C10orf67: variants seen among roughly 807,000 people sequenced by gnomAD.
C10orf67 encodes the protein chromosome 10 open reading frame 67.
C10orf67 carries 60 observed loss-of-function variants against 35.6 expected under a neutral mutation model. That is an observed-to-expected ratio of 1.68 (90% CI 1.37 to 2.09). C10orf67 has a LOEUF of 2.09. Among genes scored for constraint, C10orf67 ranks in the 30% most tolerant of loss-of-function variants. The pLI, the probability that C10orf67 is intolerant of heterozygous loss-of-function variation, is 0.00. For synonymous variants in C10orf67, 167 were observed against 115.8 expected (o/e 1.44, Z -2.84); for missense variants, 474 against 330.2 (o/e 1.44, Z -3.38).
At chr10:23,314,599 G>T (rs2132316539) in intron 4 of C10orf67, among the ~76,000 whole-genome samples, 1 of 152,022 alleles carries the variant, frequency 6.6e-6, no homozygotes, top group Admixed American at 6.6e-5. Context: ...TCCCAAGGCT[G>T]CAATTAAGGT....
chr10:23,301,080 C>A (rs1385163222), intron 5 of C10orf67, among the ~76,000 whole-genome samples: 1 of 152,210 alleles, frequency 6.6e-6, no homozygotes, highest in Non-Finnish European at 1.5e-5. Context: ...TACATGCACT[C>A]TAGCTGGGCC....
At chr10:23,294,580 G>A (rs1313914555) in intron 5 of C10orf67, among the ~76,000 whole-genome samples, 4 of 152,068 alleles carry the variant, frequency 2.6e-5, no homozygotes, top group Non-Finnish European at 5.9e-5. Context: ...AGTTGCTCTT[G>A]GGAAAATTCG....
intron 5 of C10orf67, among the ~76,000 whole-genome samples, chr10:23,301,028 T>C (rs1214203209): frequency 6.6e-6 from 1 of 152,234 alleles, no homozygotes; most frequent in African/African-American, 2.4e-5. Flanking sequence ...AGAATTTACC[T>C]AGGTCTATTT....
chr10:23,332,153 T>C (rs1588707621), intron 2 of C10orf67, among the ~76,000 whole-genome samples: 1 of 152,204 alleles, frequency 6.6e-6, no homozygotes. Context: ...ATGACCAAAA[T>C]GTCCATCAAT....
intron 8 of C10orf67, among the ~76,000 whole-genome samples, chr10:23,281,340 C>G (rs770283337): frequency 3.3e-5 from 5 of 152,150 alleles, no homozygotes; most frequent in Non-Finnish European, 7.3e-5. Context: ...CTATGAGCAA[C>G]CTTTTCTCTT....
intron 8 of C10orf67, among the ~76,000 whole-genome samples, chr10:23,268,100 C>T (rs1442749371): frequency 6.6e-6 from 1 of 152,038 alleles, no homozygotes; most frequent in African/African-American, 2.4e-5. Flanking sequence ...CCAGCCTGAG[C>T]AACATAGCAA....
intron 15 of C10orf67, among the ~76,000 whole-genome samples, chr10:23,211,815 G>T (rs935442439): frequency 6.6e-6 from 1 of 152,194 alleles, no homozygotes; most frequent in Non-Finnish European, 1.5e-5. Context: ...CAATGGTATA[G>T]TGAGTTCATG....
At chr10:23,250,315 G>A in intron 12 of C10orf67, 140 bp downstream of exon 12, 1 of 391,526 alleles carries the variant, frequency 2.6e-6, no homozygotes, top group Non-Finnish European at 4.5e-6. Flanking sequence ...TTCTATTTTA[G>A]ACCAATTATT....
intron 15 of C10orf67, among the ~76,000 whole-genome samples, chr10:23,208,826 C>A (rs1348856792): frequency 6.6e-6 from 1 of 152,120 alleles, no homozygotes; most frequent in South Asian, 2.1e-4. Context: ...GAGACTTGAA[C>A]AATCCTTGTG....
intron 2 of C10orf67, among the ~76,000 whole-genome samples, chr10:23,323,818 C>A (rs985514771): frequency 2.8e-5 from 4 of 142,970 alleles, no homozygotes; most frequent in Admixed American, 2.1e-4. Flanking sequence ...AGCTTGAACC[C>A]GGGAGATGGA....
At chr10:23,299,939 C>T (rs1296198670) in intron 5 of C10orf67, among the ~76,000 whole-genome samples, 2 of 150,864 alleles carry the variant, frequency 1.3e-5, no homozygotes, top group Non-Finnish European at 2.9e-5. Flanking sequence ...GATCGCGCCA[C>T]TGCACTCCAG....
intron 2 of C10orf67, among the ~76,000 whole-genome samples, chr10:23,324,800 T>G (rs1176487921): frequency 6.6e-6 from 1 of 152,242 alleles, no homozygotes; most frequent in Non-Finnish European, 1.5e-5. Flanking sequence ...GAGAGACATT[T>G]GTCTAATGTG....
chr10:23,214,291 T>A (rs549068357), intron 15 of C10orf67, among the ~76,000 whole-genome samples: 1 of 152,070 alleles, frequency 6.6e-6, no homozygotes, highest in Admixed American at 6.6e-5. Context: ...GAATAAAGAA[T>A]GTCTGAACTA....
intron 12 of C10orf67, among the ~76,000 whole-genome samples, chr10:23,243,771 T>C (rs1028609873): frequency 6.6e-6 from 1 of 151,674 alleles, no homozygotes; most frequent in South Asian, 2.1e-4. Context: ...AAAACAAACA[T>C]GAAGACCATG....
chr10:23,263,759 C>A (rs910800779), intron 10 of C10orf67, among the ~76,000 whole-genome samples: 17 of 152,178 alleles, frequency 1.1e-4, no homozygotes, highest in Admixed American at 9.8e-4. Context: ...AGAGGAAAAC[C>A]TGAGAATCCA....
chr10:23,328,836 T>G (rs1378712716), intron 2 of C10orf67, among the ~76,000 whole-genome samples: 2 of 150,262 alleles, frequency 1.3e-5, no homozygotes, highest in African/African-American at 4.9e-5. Flanking sequence ...ATTGTAAAAA[T>G]TAGCCAGGTG....
At chr10:23,228,967 C>T (rs556501170) in intron 13 of C10orf67, among the ~76,000 whole-genome samples, 3 of 152,216 alleles carry the variant, frequency 2.0e-5, no homozygotes, top group African/African-American at 7.2e-5. Flanking sequence ...GATATAGGAA[C>T]ATTTTTACAC....
intron 5 of C10orf67, among the ~76,000 whole-genome samples, chr10:23,294,106 C>T (rs777244874): frequency 6.6e-6 from 1 of 152,180 alleles, no homozygotes; most frequent in Non-Finnish European, 1.5e-5. Flanking sequence ...GATGCAAGCC[C>T]ATGCCTCATG....
chr10:23,280,469 A>G (rs1564487595), intron 8 of C10orf67, among the ~76,000 whole-genome samples: 1 of 152,120 alleles, frequency 6.6e-6, no homozygotes, highest in Non-Finnish European at 1.5e-5. Context: ...CCTTGCAGGG[A>G]TAGGGAGAAG....
Sources: allele counts gnomAD v4.1 joint callset (sites outside exome capture counted in the v4.1 genomes callset), GRCh38; gene constraint gnomAD v4.1.1; transcripts MANE v1.5; gene names NCBI Gene and HGNC (gene_info 2026-07-23, HGNC 2026-07-21).